FUS: variants seen among roughly 807,000 people sequenced by gnomAD.
The protein encoded by FUS is FUS RNA binding protein.
A neutral mutation model predicts 82.7 loss-of-function variants in FUS; 5 were observed. That is an observed-to-expected ratio of 0.06 (90% confidence interval 0.03 to 0.13). The LOEUF (loss-of-function observed/expected upper bound fraction) is 0.13. FUS is among the 10% of genes least tolerant of loss of function. FUS has a pLI of 1.00. For synonymous variants in FUS, 281 were observed against 247.4 expected (o/e 1.14, Z -1.27); for missense variants, 512 against 707.8 (o/e 0.72, Z 3.14).
At chr16:31,194,328 A>AC (rs913226064), downstream of FUS, 3 of 517,848 alleles carry the variant, frequency 5.8e-6, no homozygotes, top group African/African-American at 5.9e-5. Context: ...TCTCACTCTC[A>AC]CCCAGGCTGG....
intron 1 of FUS, among the ~76,000 whole-genome samples, chr16:31,181,249 G>T (rs972141240): frequency 1.3e-5 from 2 of 152,216 alleles, no homozygotes; most frequent in African/African-American, 4.8e-5. Flanking sequence ...GGACGGAGAA[G>T]AACGGCCGCC....
chr16:31,187,441 TGG>T (rs1383696049), intron 7 of FUS: 8 of 233,098 alleles, frequency 3.4e-5, no homozygotes, highest in Admixed American at 5.3e-5. Context: ...GTGTGGCTCA[TGG>T]GAAATAACCA....
downstream of FUS, chr16:31,193,642 T>C (rs1164233780): frequency 1.9e-6 from 1 of 530,106 alleles, no homozygotes; most frequent in Non-Finnish European, 3.7e-6. Flanking sequence ...GGGTCCCAGG[T>C]GACTGTTTAG....
chr16:31,188,412 C>G (rs978696711), intron 8 of FUS, 55 bp downstream of exon 8: 1 of 1,567,380 alleles, frequency 6.4e-7, no homozygotes, highest in African/African-American at 1.4e-5. Flanking sequence ...TCAAGACTGC[C>G]TGGATGTTCT....
intron 6 of FUS, chr16:31,186,139 C>T (rs931661338): frequency 6.3e-5 from 15 of 239,450 alleles, no homozygotes; most frequent in African/African-American, 2.6e-4. Flanking sequence ...AGAAAAACAA[C>T]TGTTATGTGA....
At chr16:31,185,429 A>AG (rs1415812900) in intron 6 of FUS, 3 of 648,272 alleles carry the variant, frequency 4.6e-6, no homozygotes, top group Non-Finnish European at 8.3e-6. Context: ...CCAAAAAAAA[A>AG]GAAACCATAC....
At position 31,182,713 on chromosome 16, in the gene FUS, C is replaced by T. The variant is rs181005424; in HGVS notation, c.190+49C>T. 136 of 1,611,410 alleles carry T rather than the reference C, an allele frequency of 8.4e-5. 1 individual carries two copies. The Admixed American group carries it at 2.2e-3, about 27-fold the overall frequency. On this transcript the variant is annotated intron_variant, in intron 3 of 14. Transcript: ENST00000254108. ...CTCTTCCTACTCTTTCTGAATATTG[C>T]TTTTCTTTTTCTTGTTTTTTGGAGA...
At chr16:31,192,348 C>T (rs118018900), downstream of FUS, 17,265 of 526,206 alleles carry the variant, frequency 0.033, 414 homozygotes, top group Middle Eastern at 0.068. Flanking sequence ...TGCTCCTCAG[C>T]CTCTTACCAT....
chr16:31,188,621 G>A, intron 8 of FUS: 1 of 574,338 alleles, frequency 1.7e-6, no homozygotes, highest in East Asian at 2.9e-5. Context: ...CAGTGATGCT[G>A]ATGCGTCTGG....
chr16:31,183,676 G>A (rs2079214778), intron 3 of FUS, 182 bp from the exon 4 acceptor site: 2 of 713,194 alleles, frequency 2.8e-6, no homozygotes, highest in Admixed American at 2.2e-5. Context: ...GTTGGTAGAA[G>A]TTGAAGCATT....
chr16:31,189,446 T>TGAG (rs2079319371), intron 9 of FUS, among the ~76,000 whole-genome samples: 1 of 152,250 alleles, frequency 6.6e-6, no homozygotes, highest in South Asian at 2.1e-4. Flanking sequence ...CCCTAAACTC[T>TGAG]TGAGATTTGT....
upstream of FUS, chr16:31,180,136 G>C: frequency 1.3e-6 from 2 of 1,570,038 alleles, no homozygotes; most frequent in Admixed American, 1.9e-5. Flanking sequence ...AGGAGGCGGG[G>C]CTGCTCAGTC....
intron 1 of FUS, among the ~76,000 whole-genome samples, chr16:31,180,951 C>T (rs370475404): frequency 1.3e-5 from 2 of 151,686 alleles, no homozygotes; most frequent in East Asian, 1.9e-4. Context: ...CTTCCTCTGT[C>T]GCCCAGGCTG....
At chr16:31,189,612 A>AAGG in intron 9 of FUS, 53 bp from the exon 10 acceptor site, 3 of 1,613,000 alleles carry the variant, frequency 1.9e-6, no homozygotes, top group Non-Finnish European at 2.5e-6. Flanking sequence ...AGAAGATGGA[A>AAGG]AGGGAGTACT....
At chr16:31,189,469 C>T (rs181005830) in intron 9 of FUS, among the ~76,000 whole-genome samples, 196 bp from the exon 10 acceptor site, 106 of 152,168 alleles carry the variant, frequency 7.0e-4, no homozygotes, top group South Asian at 4.1e-3. Context: ...TCTATAGTAA[C>T]TTTTAGTTTT....
At chr16:31,182,336 C>T (rs1204029312) in intron 1 of FUS, 62 bp from the exon 2 acceptor site, 3 of 1,587,862 alleles carry the variant, frequency 1.9e-6, no homozygotes, top group African/African-American at 1.3e-5. Flanking sequence ...AGGAATTTAG[C>T]TTTAATTCAA....
At chr16:31,193,819 CTTT>C, downstream of FUS, 1 of 435,610 alleles carries the variant, frequency 2.3e-6, no homozygotes, top group Non-Finnish European at 4.5e-6. Context: ...TTTTTAATTA[CTTT>C]TTTTTTTTTA....
chr16:31,190,525 C>T, intron 12 of FUS, 127 bp downstream of exon 12: 1 of 1,450,382 alleles, frequency 6.9e-7, no homozygotes, highest in Non-Finnish European at 9.7e-7. Context: ...TCAGATTTAG[C>T]CAAAAGCTTA....
Position 31,190,564 on chromosome 16 carries a change from G to A in FUS, c.1292+166G>A. 4.2e-6 allele frequency: 5 copies of A among 1,201,368 alleles called. No homozygotes were observed. In the South Asian group the frequency reaches 6.2e-5, roughly 15 times the overall value. The allele number at this position is 1,201,368 out of a possible 1,614,324, so 74.4% of individuals were successfully genotyped here. A position where few individuals can be genotyped will look rare whatever the true frequency, so the allele number is the denominator to read the frequency against. The stretch of plus-strand genomic sequence containing the variant: ...AGGTAAGGTTGATGTAATGGGAAAG[G>A]TAATGGATTGGGTTCAGTAATACTG... On this transcript the variant is annotated intron_variant, in intron 12 of 14. Coordinates refer to ENST00000254108, the MANE Select transcript of FUS (RefSeq NM_004960.4).
Sources: gnomAD v4.1 joint callset for allele counts (sites outside exome capture counted in the v4.1 genomes callset) on GRCh38, gnomAD v4.1.1 for gene constraint, MANE v1.5 for transcripts, NCBI Gene and HGNC (gene_info 2026-07-23, HGNC 2026-07-21) for gene names.